MAPKAPK3: variants seen among roughly 807,000 people sequenced by gnomAD.
MAPKAPK3 encodes the protein MAPK activated protein kinase 3, also known as MAP kinase-activated protein kinase 3.
A neutral mutation model predicts 49.2 loss-of-function variants in MAPKAPK3; 35 were observed. That is an observed-to-expected ratio of 0.71 (90% CI 0.54 to 0.94). The LOEUF (loss-of-function observed/expected upper bound fraction) is 0.94, where lower values mean the gene tolerates loss of function less well. MAPKAPK3 is among the 40% of genes least tolerant of loss of function. The pLI is 0.00. For missense variants in MAPKAPK3, 398 were observed against 493.1 expected (o/e 0.81, Z 1.83); for synonymous variants, 178 against 188.7 (o/e 0.94, Z 0.46).
chr3:50,637,713 G>C (rs1396424335), intron 2 of MAPKAPK3, among the ~76,000 whole-genome samples: 2 of 151,218 alleles, frequency 1.3e-5, no homozygotes, highest in East Asian at 3.9e-4. Context: ...GAGAGAGAGA[G>C]AGAGAGAGAG....
intron 2 of MAPKAPK3, among the ~76,000 whole-genome samples, chr3:50,625,176 C>G (rs183682703): frequency 9.2e-5 from 14 of 152,310 alleles, no homozygotes; most frequent in Non-Finnish European, 4.4e-5. Context: ...AGGATCCAGT[C>G]TCGGTGACTG....
intron 8 of MAPKAPK3, 106 bp from the exon 9 acceptor site, chr3:50,646,634 G>A: frequency 1.0e-6 from 1 of 960,722 alleles, no homozygotes. Context: ...TGGGAATTTG[G>A]GAGCACATGC....
chr3:50,615,427 A>ATCTGTGTG (rs71080592), upstream of MAPKAPK3, among the ~76,000 whole-genome samples: 16 of 152,138 alleles, frequency 1.1e-4, no homozygotes, highest in South Asian at 4.1e-4. Context: ...CTGCATGTGT[A>ATCTGTGTG]CATGTGTGAG....
rs768275251 is a variant in MAPKAPK3 at position 50,647,195 on chromosome 3, G to A, written c.988G>A (p.Glu330Lys). 3.8e-6 allele frequency: 6 copies of A among 1,589,076 alleles called. No individual in the cohort carries two copies. Among genetic ancestry groups the A allele is most frequent in the Non-Finnish European group, 4.3e-6 (5 of 1,167,508 alleles). Residue 330 changes from glutamate (E) to lysine (K), a missense_variant, in exon 10 of 11, where the codon GAA becomes AAA. Coordinates refer to ENST00000621469, the MANE Select transcript of MAPKAPK3 (RefSeq NM_001243925.2). The part of the protein sequence containing the change: ...VLQEDKDHWD[E>K]VKEEMTSALA... ...GCAGGAGGACAAAGACCACTGGGACGAAGTCAAGGTGGGTGGGCTCTGCCT... is the reference window on the plus strand; with the variant it reads ...GCAGGAGGACAAAGACCACTGGGACAAAGTCAAGGTGGGTGGGCTCTGCCT...
Position 50,645,711 on chromosome 3 carries a change from C to T in MAPKAPK3, c.630C>T (p.Ala210=), listed in dbSNP as rs1387018762. The change falls in exon 7 of 11, where the codon GCC becomes GCT. Residue 210 remains alanine (A), a splice_region_variant and synonymous_variant. Coordinates refer to ENST00000621469, the MANE Select transcript of MAPKAPK3 (RefSeq NM_001243925.2). ...QTPCYTPYYV[A]PEVLGPEKYD... ...CCTGCTGTCCCTCTGCCCTGGCAGCCCCTGAGGTCCTGGGTCCAGAGAAGT... is the reference window on the plus strand; with the variant it reads ...CCTGCTGTCCCTCTGCCCTGGCAGCTCCTGAGGTCCTGGGTCCAGAGAAGT... 1 of 1,613,904 alleles carries T rather than the reference C, an allele frequency of 6.2e-7. No homozygotes were observed. Among genetic ancestry groups the T allele is most frequent in the Admixed American group, 1.7e-5 (1 of 59,996 alleles).
rs888987816 is a variant in MAPKAPK3, at chr3:50,628,050, A to T, written c.219+10266A>T. Among the ~76,000 whole-genome samples, 3 of 152,158 alleles carry T rather than the reference A, an allele frequency of 2.0e-5. No individual in the cohort carries two copies. The East Asian group carries it at 5.8e-4, about 29-fold the overall frequency. The stretch of plus-strand genomic sequence containing the variant: ...GAAGGTTCCCTAGGGCCTCTGTGCC[A>T]TGCCTCTGGGGGTGAGCCAGTGTAT... On this transcript the variant is annotated intron_variant, in intron 2 of 10. Coordinates refer to ENST00000621469, the MANE Select transcript of MAPKAPK3 (RefSeq NM_001243925.2).
upstream of MAPKAPK3, chr3:50,617,114 G>GGGGGT (rs1169021139): frequency 1.9e-3 from 201 of 107,320 alleles, no homozygotes; most frequent in Non-Finnish European, 2.9e-3. Context: ...GGGGGGGGTG[G>GGGGGT]GGAGGGGGGG....
rs751301162 is a variant in MAPKAPK3 at position 50,646,262 on chromosome 3, A to T, written c.827A>T (p.Asp276Val). The change falls in exon 8 of 11, where the codon GAT becomes GTT. Residue 276 changes from aspartate to valine, a missense_variant and splice_region_variant. Asp to Val is a radical substitution (Grantham distance 152). Transcript: ENST00000621469. ...PNPEWSEVSEDAKQLIRLLLK... is the reference protein window; with the variant it reads ...PNPEWSEVSEVAKQLIRLLLK... ...CCTGAGTGGTCAGAAGTCTCTGAGG[A>T]TGGTGAGTGAACCTCTCTGTCCCAG... 6.2e-7 allele frequency: 1 copy of T among 1,613,944 alleles called. No individual in the cohort carries two copies. Among genetic ancestry groups the T allele is most frequent in the Non-Finnish European group, 8.5e-7 (1 of 1,179,998 alleles).
At chr3:50,619,511 C>T (rs961570976) in intron 2 of MAPKAPK3, among the ~76,000 whole-genome samples, 25 of 152,102 alleles carry the variant, frequency 1.6e-4, no homozygotes, top group African/African-American at 4.8e-4. Flanking sequence ...TGAGGGCAGA[C>T]GGGGGTAAGA....
At chr3:50,624,003 A>T (rs2032673282) in intron 2 of MAPKAPK3, among the ~76,000 whole-genome samples, 1 of 152,198 alleles carries the variant, frequency 6.6e-6, no homozygotes, top group Admixed American at 6.5e-5. Context: ...GCACACAAGG[A>T]CCATGATGAC....
At chr3:50,629,632 AGCTAGTCCT>A (rs2032853206) in intron 2 of MAPKAPK3, among the ~76,000 whole-genome samples, 1 of 152,172 alleles carries the variant, frequency 6.6e-6, no homozygotes, top group Admixed American at 6.5e-5. Flanking sequence ...CTGTGGCTGC[AGCTAGTCCT>A]GCTGTGCATG....
Position 50,641,750 on chromosome 3 carries a change from G to A in MAPKAPK3, c.403G>A (p.Asp135Asn), listed in dbSNP as rs761480203. 2.8e-5 allele frequency: 45 copies of A among 1,614,018 alleles called. No individual in the cohort carries two copies. The highest frequency in any genetic ancestry group is 2.2e-4 in the East Asian group (10 of 44,894). The change falls in exon 4 of 11, where the codon GAC becomes AAC. Residue 135 changes from aspartate to asparagine, a missense_variant. Transcript: ENST00000621469. ...ELFSRIQERG[D>N]QAFTEREAAE... ...GTTCAGCAGGATTCAGGAGCGTGGCGACCAGGCTTTCACTGAGAGAGGTAT... is the reference window on the plus strand; with the variant it reads ...GTTCAGCAGGATTCAGGAGCGTGGCAACCAGGCTTTCACTGAGAGAGGTAT...
intron 2 of MAPKAPK3, among the ~76,000 whole-genome samples, chr3:50,637,272 C>T (rs900580659): frequency 6.6e-6 from 1 of 152,182 alleles, no homozygotes; most frequent in African/African-American, 2.4e-5. Context: ...AGCCAGGGAC[C>T]CCCAAGTGAA....
chr3:50,625,622 T>C (rs1459752274), intron 2 of MAPKAPK3, among the ~76,000 whole-genome samples: 2 of 152,214 alleles, frequency 1.3e-5, no homozygotes, highest in Admixed American at 1.3e-4. Flanking sequence ...GTTGCCTTTT[T>C]CTTTAGACTA....
At chr3:50,636,918 G>A (rs572989880) in intron 2 of MAPKAPK3, among the ~76,000 whole-genome samples, 4 of 152,090 alleles carry the variant, frequency 2.6e-5, no homozygotes, top group East Asian at 1.9e-4. Flanking sequence ...CCAGTGGGGC[G>A]TTTATTATAT....
Position 50,645,786 on chromosome 3 carries a change from G to A in MAPKAPK3, c.704+1G>A, listed in dbSNP as rs2033276229. On this transcript the variant is annotated splice_donor_variant, in intron 7 of 10. Transcript: ENST00000621469. LOFTEE classifies it high-confidence loss of function. ...CCCTGGGTGTCATCATGTACATCCTGTGAGTACCTTCCCCACCCCCTGCCT... is the reference window on the plus strand; with the variant it reads ...CCCTGGGTGTCATCATGTACATCCTATGAGTACCTTCCCCACCCCCTGCCT... 6.2e-7 allele frequency: 1 copy of A among 1,613,870 alleles called. No homozygotes were observed. Among genetic ancestry groups the A allele is most frequent in the Non-Finnish European group, 8.5e-7 (1 of 1,179,870 alleles).
intron 2 of MAPKAPK3, among the ~76,000 whole-genome samples, chr3:50,632,334 T>A (rs388195): frequency 0.98 from 149,327 of 152,362 alleles, 73,256 homozygotes; most frequent in Middle Eastern, 1. Context: ...CTCAGAATTA[T>A]AATTTGTCCT....
chr3:50,638,144 A>G (rs2033087550), intron 2 of MAPKAPK3, among the ~76,000 whole-genome samples: 1 of 152,184 alleles, frequency 6.6e-6, no homozygotes, highest in Admixed American at 6.5e-5. Context: ...GTGAGATGCC[A>G]CAAGGCAGGC....
rs2033275297 is a variant in MAPKAPK3, at chr3:50,645,766, G to T, written c.685G>T (p.Gly229Cys). ...YDKSCDMWSL[G>C]VIMYILLCGF... The stretch of plus-strand genomic sequence containing the variant: ...CAAGTCATGTGACATGTGGTCCCTG[G>T]GTGTCATCATGTACATCCTGTGAGT... Residue 229 changes from glycine (G) to cysteine (C), a missense_variant, in exon 7 of 11, where the codon GGT becomes TGT. Physicochemically the swap from Gly to Cys is radical, Grantham distance 159. This residue lies in a region of MAPKAPK3 where 30 missense variants were observed against 70.5 expected (regional missense o/e 0.43). Coordinates refer to ENST00000621469, the MANE Select transcript of MAPKAPK3 (RefSeq NM_001243925.2). 2 of 1,614,042 alleles carry T rather than the reference G, an allele frequency of 1.2e-6. No homozygotes were observed. The highest frequency in any genetic ancestry group is 1.7e-6 in the Non-Finnish European group (2 of 1,179,984).
Sources: gnomAD v4.1 joint callset for allele counts (sites outside exome capture counted in the v4.1 genomes callset) on GRCh38, gnomAD v4.1.1 for gene constraint, gnomAD v4.1.1 regional missense constraint, MANE v1.5 for transcripts, NCBI Gene and HGNC (gene_info 2026-07-23, HGNC 2026-07-21) for gene names.